PI4KA: variants seen among roughly 807,000 people sequenced by gnomAD.
PI4KA encodes PI4-kinase alpha.
In PI4KA, 122 loss-of-function variants were observed where a neutral mutation model predicts 271.4. The ratio of observed to expected loss-of-function variants is 0.45; its 90% CI spans 0.39 to 0.52. The LOEUF is 0.52. Ranked by LOEUF, PI4KA falls within the 20% of genes least tolerant of loss-of-function variation. The pLI, the probability that PI4KA is intolerant of heterozygous loss-of-function variation, is 0.00. For synonymous variants in PI4KA, 1,041 were observed against 1,078.8 expected (o/e 0.96, Z 0.69); for missense variants, 1,969 against 2,769.1 (o/e 0.71, Z 6.48).
chr22:20,811,789 G>A (rs371423251), intron 8 of PI4KA, among the ~76,000 whole-genome samples: 4 of 152,006 alleles, frequency 2.6e-5, no homozygotes, highest in African/African-American at 9.6e-5. Flanking sequence ...CGAGGCAGGC[G>A]GATAATGAGG....
chr22:20,794,625 G>A (rs1934869864), intron 18 of PI4KA, among the ~76,000 whole-genome samples: 1 of 152,142 alleles, frequency 6.6e-6, no homozygotes, highest in South Asian at 2.1e-4. Flanking sequence ...CCTTCATGCA[G>A]TTGTCATCTC....
chr22:20,808,319 C>T (rs2147635843), intron 9 of PI4KA, among the ~76,000 whole-genome samples: 1 of 150,962 alleles, frequency 6.6e-6, no homozygotes, highest in East Asian at 2.0e-4. Flanking sequence ...GGTGCAGTGG[C>T]TCTCGCCTGT....
At chr22:20,763,755 T>TA (rs1932240151) in intron 22 of PI4KA, among the ~76,000 whole-genome samples, 2 of 152,102 alleles carry the variant, frequency 1.3e-5, no homozygotes, top group Non-Finnish European at 2.9e-5. Context: ...AAAAGACACT[T>TA]ACAATGAAAA....
At chr22:20,796,049 A>C in intron 18 of PI4KA, 97 bp downstream of exon 18, 1 of 1,107,608 alleles carries the variant, frequency 9.0e-7, no homozygotes, top group Non-Finnish European at 1.3e-6. Flanking sequence ...TTCACAAAGA[A>C]AGTGCCATAT....
intron 32 of PI4KA, among the ~76,000 whole-genome samples, chr22:20,739,671 AAATAATTAC>A (rs1462159086): frequency 6.6e-6 from 1 of 152,176 alleles, no homozygotes; most frequent in Non-Finnish European, 1.5e-5. Flanking sequence ...AACGATATAA[AAATAATTAC>A]AATAAATATG....
chr22:20,826,604 T>A (rs1187382193), intron 3 of PI4KA, among the ~76,000 whole-genome samples: 1 of 152,216 alleles, frequency 6.6e-6, no homozygotes, highest in Non-Finnish European at 1.5e-5. Context: ...AATCCTGTTT[T>A]AAATTCTTTC....
chr22:20,732,446 C>T (rs954594506), intron 36 of PI4KA, among the ~76,000 whole-genome samples: 1 of 152,182 alleles, frequency 6.6e-6, no homozygotes, highest in African/African-American at 2.4e-5. Flanking sequence ...AATGCTTTGC[C>T]CTGTCCACCC....
At chr22:20,850,359 A>C (rs1419052529) in intron 1 of PI4KA, among the ~76,000 whole-genome samples, 1 of 152,072 alleles carries the variant, frequency 6.6e-6, no homozygotes, top group Non-Finnish European at 1.5e-5. Context: ...CCCCGTCTCT[A>C]CTAAAATACA....
intron 52 of PI4KA, 127 bp from the exon 53 acceptor site, chr22:20,710,124 C>T (rs1925056045): frequency 1.5e-6 from 1 of 683,484 alleles, no homozygotes; most frequent in Admixed American, 2.2e-5. Flanking sequence ...TCGCCTGCCA[C>T]ATCTTGCACA....
In PI4KA at chr22:20,733,784, C is replaced by T. The variant is rs1928354201; in HGVS notation, c.4112G>A (p.Arg1371His). ...GTAGATCTTCTCGCGAAGCACATTG[C>T]GGATGGTTGCATTTGGAACCACATC... ...HADVVPNATI[R>H]NVLREKIYST... is the part of the protein sequence containing the mutation. The change falls in exon 35 of 55, where the codon CGC becomes CAC. Residue 1371 changes from arginine (R) to histidine (H), a missense_variant. Physicochemically the swap from Arg to His is conservative, Grantham distance 29. Transcript: ENST00000255882. 6.2e-7 allele frequency: 1 copy of T among 1,613,106 alleles called. No individual in the cohort carries two copies. Among genetic ancestry groups the T allele is most frequent in the Non-Finnish European group, 8.5e-7 (1 of 1,179,838 alleles).
intron 3 of PI4KA, among the ~76,000 whole-genome samples, chr22:20,826,651 AATT>A (rs777196414): frequency 6.6e-6 from 1 of 152,222 alleles, no homozygotes; most frequent in Non-Finnish European, 1.5e-5. Context: ...TGGCTGAACT[AATT>A]TACATTCACA....
rs1240606581 is a variant in PI4KA at position 20,765,172 on chromosome 22, G to A, written c.2502C>T (p.Thr834=). The change falls in exon 21 of 55, where the codon ACC becomes ACT. Residue 834 remains threonine (T), a synonymous_variant. Coordinates refer to ENST00000255882, the MANE Select transcript of PI4KA (RefSeq NM_058004.4). ...CEIATKSPLL[T]FPSKEPLRSV... ...ACCGCAGTGGCTCCTTGCTGGGAAA[G>A]GTGAGCAAGGGGGACTTAGTGGCTA... 6.2e-7 allele frequency: 1 copy of A among 1,613,510 alleles called. No homozygotes were observed. Among genetic ancestry groups the A allele is most frequent in the Non-Finnish European group, 8.5e-7 (1 of 1,179,460 alleles).
rs1927547769 is a variant in PI4KA at position 20,727,827 on chromosome 22, G to A, written c.4720C>T (p.Arg1574Cys). The change falls in exon 40 of 55, where the codon CGT (arginine) becomes TGT (cysteine). Residue 1574 changes from arginine to cysteine, a missense_variant. Around this residue, in one of 13 missense-constraint regions of PI4KA, gnomAD observed 388 missense variants for 521.5 expected, o/e 0.74. Coordinates refer to ENST00000255882, the MANE Select transcript of PI4KA (RefSeq NM_058004.4). ...NTEAIGNEVT[R>C]LVRLDPGAVS... ...GCTCCCGGGTCCAACCGAACGAGAC[G>A]GGTCACTTCGTTCCCAATGGCTTCT... 1.9e-6 allele frequency: 3 copies of A among 1,614,042 alleles called. No homozygotes were observed. Among genetic ancestry groups the A allele is most frequent in the Admixed American group, 1.7e-5 (1 of 60,006 alleles).
At chr22:20,761,678 C>T (rs781414275) in intron 22 of PI4KA, among the ~76,000 whole-genome samples, 14 of 152,240 alleles carry the variant, frequency 9.2e-5, no homozygotes, top group Non-Finnish European at 1.9e-4. Flanking sequence ...TGAATGCTCA[C>T]CAACAGGAGA....
chr22:20,744,275 G>A (rs1051173063), intron 30 of PI4KA, among the ~76,000 whole-genome samples: 18 of 151,982 alleles, frequency 1.2e-4, no homozygotes, highest in African/African-American at 3.9e-4. Flanking sequence ...GGGAACCTCC[G>A]TTTATCTATA....
At chr22:20,819,573 G>T (rs148578000) in intron 6 of PI4KA, 68 bp downstream of exon 6, 4 of 1,413,208 alleles carry the variant, frequency 2.8e-6, no homozygotes, top group Non-Finnish European at 2.9e-6. Flanking sequence ...AAAGAAGAGG[G>T]ATTTTCTTCG....
At chr22:20,858,294 G>A (rs1927876225) in intron 1 of PI4KA, among the ~76,000 whole-genome samples, 1 of 152,038 alleles carries the variant, frequency 6.6e-6, no homozygotes, top group South Asian at 2.1e-4. Context: ...ATGCTCCCTG[G>A]GCCAGCAGCT....
At chr22:20,776,318 C>T (rs891026611) in intron 19 of PI4KA, among the ~76,000 whole-genome samples, 14 of 151,956 alleles carry the variant, frequency 9.2e-5, no homozygotes, top group African/African-American at 2.9e-4. Context: ...AGTGAGACCC[C>T]GCCGTCTCAA....
intron 22 of PI4KA, among the ~76,000 whole-genome samples, chr22:20,763,988 C>T (rs1423127479): frequency 1.3e-5 from 2 of 152,186 alleles, no homozygotes; most frequent in East Asian, 3.8e-4. Context: ...CAATGAAAGG[C>T]TAAAATAGTG....
Sources: gnomAD v4.1 joint callset for allele counts (sites outside exome capture counted in the v4.1 genomes callset) on GRCh38, gnomAD v4.1.1 for gene constraint, gnomAD v4.1.1 regional missense constraint, MANE v1.5 for transcripts, NCBI Gene and HGNC (gene_info 2026-07-23, HGNC 2026-07-21) for gene names.